The following RPS6KA5 variants were observed in gnomAD, a reference collection of about 807,000 sequenced individuals.
RPS6KA5 encodes ribosomal protein S6 kinase alpha-5.
A neutral mutation model predicts 85.5 loss-of-function variants in RPS6KA5; 27 were observed. The observed-to-expected ratio is 0.32, with a 90% confidence interval of 0.23 to 0.44. The LOEUF (loss-of-function observed/expected upper bound fraction) is 0.44. RPS6KA5 is among the 20% of genes least tolerant of loss of function. The pLI is 1.00. For missense variants in RPS6KA5, 811 were observed against 980.9 expected (o/e 0.83, Z 2.31); for synonymous variants, 334 against 348.2 (o/e 0.96, Z 0.46).
intron 7 of RPS6KA5, among the ~76,000 whole-genome samples, chr14:90,910,093 A>T (rs75020914): frequency 0.037 from 4,954 of 133,074 alleles, 268 homozygotes; most frequent in African/African-American, 0.18. Flanking sequence ...TGCATTATTT[A>T]AAAAAAAATG....
At chr14:91,050,198 C>A (rs1355217063) in intron 1 of RPS6KA5, among the ~76,000 whole-genome samples, 2 of 151,720 alleles carry the variant, frequency 1.3e-5, no homozygotes, top group African/African-American at 4.8e-5. Flanking sequence ...GGCAACATAG[C>A]AAGACCCTAT....
At chr14:90,971,521 C>G (rs959734752) in intron 3 of RPS6KA5, among the ~76,000 whole-genome samples, 1 of 152,142 alleles carries the variant, frequency 6.6e-6, no homozygotes, top group African/African-American at 2.4e-5. Flanking sequence ...TTGTAGGAAA[C>G]AATCACACAT....
At chr14:91,060,270 C>T (rs2043597179) in intron 1 of RPS6KA5, 62 bp downstream of exon 1, 3 of 1,065,318 alleles carry the variant, frequency 2.8e-6, no homozygotes, top group Admixed American at 1.1e-4. Flanking sequence ...CGCGCGGGCA[C>T]CCGCGTGCCC....
intron 2 of RPS6KA5, among the ~76,000 whole-genome samples, chr14:90,990,441 T>C (rs941721654): frequency 1.3e-5 from 2 of 152,186 alleles, no homozygotes; most frequent in African/African-American, 4.8e-5. Context: ...GAATGTAAAT[T>C]ACATCAGCCA....
At chr14:90,962,859 G>C (rs977524594) in intron 3 of RPS6KA5, among the ~76,000 whole-genome samples, 18 of 152,066 alleles carry the variant, frequency 1.2e-4, no homozygotes, top group Non-Finnish European at 5.9e-5. Flanking sequence ...GAATACGTTG[G>C]AGATATCGTG....
chr14:90,977,265 C>T (rs2039608334), intron 3 of RPS6KA5, among the ~76,000 whole-genome samples: 1 of 152,174 alleles, frequency 6.6e-6, no homozygotes, highest in Non-Finnish European at 1.5e-5. Flanking sequence ...ATATCACATA[C>T]ATGCAAATTA....
chr14:90,975,698 T>C (rs1312998449), intron 3 of RPS6KA5, among the ~76,000 whole-genome samples: 1 of 152,174 alleles, frequency 6.6e-6, no homozygotes, highest in Non-Finnish European at 1.5e-5. Context: ...AGGGACCAAG[T>C]GTATAGCACG....
intron 2 of RPS6KA5, among the ~76,000 whole-genome samples, chr14:90,992,260 G>C (rs1009671949): frequency 3.3e-5 from 5 of 152,064 alleles, no homozygotes; most frequent in Admixed American, 1.3e-4. Flanking sequence ...ACATTTCTTA[G>C]TTATCCCATC....
intron 13 of RPS6KA5, 111 bp downstream of exon 13, chr14:90,894,302 C>A: frequency 7.2e-7 from 1 of 1,380,370 alleles, no homozygotes; most frequent in Non-Finnish European, 9.4e-7. Context: ...TATTTAACAG[C>A]CTTGAAAAGT....
At chr14:90,900,483 A>G in intron 10 of RPS6KA5, 128 bp downstream of exon 10, 1 of 895,008 alleles carries the variant, frequency 1.1e-6, no homozygotes, top group Middle Eastern at 2.8e-4. Context: ...TAGGGAAAAT[A>G]TTGCTATATC....
chr14:91,048,910 C>G (rs2139933466), intron 1 of RPS6KA5, among the ~76,000 whole-genome samples: 1 of 152,328 alleles, frequency 6.6e-6, no homozygotes, highest in South Asian at 2.1e-4. Flanking sequence ...TTCTTTTTCA[C>G]AGGGAAGAAT....
chr14:90,923,759 G>A (rs887249460), intron 5 of RPS6KA5, among the ~76,000 whole-genome samples: 1 of 151,898 alleles, frequency 6.6e-6, no homozygotes, highest in East Asian at 1.9e-4. Flanking sequence ...CAACGCTAAT[G>A]TTATGTTTAA....
At chr14:91,056,157 ACAC>A in intron 1 of RPS6KA5, among the ~76,000 whole-genome samples, 1 of 152,316 alleles carries the variant, frequency 6.6e-6, no homozygotes, top group South Asian at 2.1e-4. Context: ...ATAATTTGTT[ACAC>A]CACAATACAT....
At chr14:91,035,186 A>G (rs1179022367) in intron 1 of RPS6KA5, among the ~76,000 whole-genome samples, 1 of 151,874 alleles carries the variant, frequency 6.6e-6, no homozygotes, top group Non-Finnish European at 1.5e-5. Context: ...GCCTGATTTC[A>G]CATCTCCCCA....
At position 90,858,633 on chromosome 14, in the gene RPS6KA5, T is replaced by C. The variant is rs1409556878; in HGVS notation, c.*13441A>G. 1.3e-5 allele frequency: 2 copies of C among 152,108 alleles called. No homozygotes were observed. The highest frequency in any genetic ancestry group is 6.5e-5 in the Admixed American group (1 of 15,278). 9.4% of individuals were successfully genotyped at this position (152,108 alleles called of 1,614,324 possible). Reference sequence around the variant, plus strand: ...TTCTTGGGGCAAACAGGAAAAGGGTTAAGTAGAACATCTTTTATAGGCAAC... The same window carrying C: ...TTCTTGGGGCAAACAGGAAAAGGGTCAAGTAGAACATCTTTTATAGGCAAC... On this transcript the variant is annotated 3_prime_UTR_variant, in exon 17 of 17. Coordinates refer to ENST00000614987, the MANE Select transcript of RPS6KA5 (RefSeq NM_004755.4).
intron 13 of RPS6KA5, chr14:90,894,166 T>C: frequency 1.8e-6 from 2 of 1,129,938 alleles, no homozygotes; most frequent in Non-Finnish European, 2.2e-6. Flanking sequence ...ATTTTTTCCA[T>C]AAAAGGTTCT....
At chr14:91,040,607 A>G (rs2042570092) in intron 1 of RPS6KA5, among the ~76,000 whole-genome samples, 1 of 152,130 alleles carries the variant, frequency 6.6e-6, no homozygotes, top group Non-Finnish European at 1.5e-5. Flanking sequence ...GGGCCTGGAT[A>G]CTAGTTCAAG....
Position 90,860,890 on chromosome 14 carries a change from T to C in RPS6KA5, c.*11184A>G, listed in dbSNP as rs1280227096. 1.1e-5 allele frequency: 1 copy of C among 90,566 alleles called. No individual in the cohort carries two copies. The highest frequency in any genetic ancestry group is 4.7e-5 in the African/African-American group (1 of 21,354). The allele number at this position is 90,566 out of a possible 1,614,324, so 5.6% of individuals were successfully genotyped here. ...GAGCAAACAAACAATATAGAGTCTA[T>C]TTTTTTTTTTTTTTTTTTGAGATGG... On this transcript the variant is annotated 3_prime_UTR_variant, in exon 17 of 17. Coordinates refer to ENST00000614987, the MANE Select transcript of RPS6KA5 (RefSeq NM_004755.4).
chr14:90,970,781 T>G (rs2039282526), intron 3 of RPS6KA5, among the ~76,000 whole-genome samples: 1 of 152,070 alleles, frequency 6.6e-6, no homozygotes, highest in Non-Finnish European at 1.5e-5. Flanking sequence ...CAGAAAAAGT[T>G]ATAAAAGGAG....
Sources: allele counts gnomAD v4.1 joint callset (sites outside exome capture counted in the v4.1 genomes callset), GRCh38; gene constraint gnomAD v4.1.1; transcripts MANE v1.5; gene names NCBI Gene and HGNC (gene_info 2026-07-23, HGNC 2026-07-21).